The following FAR1 variants were observed in gnomAD, a reference collection of about 807,000 sequenced individuals.
The protein encoded by FAR1 is fatty acyl-CoA reductase 1, also known as male sterility domain-containing protein 2.
Under a neutral mutation model 61.1 loss-of-function variants are expected in FAR1, and 22 were observed. That is an observed-to-expected ratio of 0.36 (90% CI 0.26 to 0.51). The LOEUF (loss-of-function observed/expected upper bound fraction) is 0.51, where lower values mean the gene tolerates loss of function less well. FAR1 is among the 20% of genes least tolerant of loss of function. The pLI is 0.95. For synonymous variants in FAR1, 206 were observed against 209.7 expected (o/e 0.98, Z 0.15); for missense variants, 359 against 626.9 (o/e 0.57, Z 4.56).
intron 1 of FAR1, among the ~76,000 whole-genome samples, chr11:13,672,533 A>G (rs2134164486): frequency 1.4e-5 from 2 of 147,346 alleles, no homozygotes; most frequent in Middle Eastern, 6.8e-3. Flanking sequence ...TGACAAAGTG[A>G]GACCCTGTCT....
At chr11:13,676,904 CTG>C (rs1488940678) in intron 1 of FAR1, among the ~76,000 whole-genome samples, 2 of 152,126 alleles carry the variant, frequency 1.3e-5, no homozygotes, top group African/African-American at 4.8e-5. Flanking sequence ...AAAATACAGA[CTG>C]TGAAAGCCAG....
At chr11:13,723,377 A>G (rs1848634178) in intron 10 of FAR1, 1 of 418,790 alleles carries the variant, frequency 2.4e-6, no homozygotes, top group South Asian at 1.7e-5. Flanking sequence ...AAAAAAAAAA[A>G]AAAAAACCCC....
intron 10 of FAR1, among the ~76,000 whole-genome samples, chr11:13,724,214 A>G (rs1848644397): frequency 6.6e-6 from 1 of 152,056 alleles, no homozygotes; most frequent in South Asian, 2.1e-4. Context: ...AAAATATCTG[A>G]TTAGGTTTTT....
chr11:13,706,075 T>A (rs1848428716), intron 3 of FAR1, among the ~76,000 whole-genome samples: 1 of 149,400 alleles, frequency 6.7e-6, no homozygotes, highest in Non-Finnish European at 1.5e-5. Context: ...TACTGAAAAC[T>A]TTTTTTAAAA....
chr11:13,712,406 C>T (rs893531857), intron 7 of FAR1, among the ~76,000 whole-genome samples: 4 of 151,930 alleles, frequency 2.6e-5, no homozygotes, highest in African/African-American at 9.7e-5. Context: ...AAACATGGTA[C>T]ACCAGAGCAG....
intron 2 of FAR1, among the ~76,000 whole-genome samples, chr11:13,698,842 A>AG (rs1848338047): frequency 2.0e-5 from 3 of 152,226 alleles, no homozygotes; most frequent in African/African-American, 7.2e-5. Context: ...AAAAAAAAAA[A>AG]AAATCTTTAT....
intron 10 of FAR1, among the ~76,000 whole-genome samples, chr11:13,724,715 A>G (rs1848651827): frequency 6.6e-6 from 1 of 152,194 alleles, no homozygotes; most frequent in South Asian, 2.1e-4. Flanking sequence ...TGAACATATC[A>G]AAAACCTAAA....
rs1235449015 is a variant in FAR1, at chr11:13,732,120, T to C, written c.*3346T>C. ...ATTACAGAAATGAGTTAATTGTCTC[T>C]GTGATAAAAAAAAAAAATGAAATAT... On this transcript the variant is annotated 3_prime_UTR_variant, in exon 12 of 12. Transcript: ENST00000354817. 9.1e-6 allele frequency: 1 copy of C among 110,172 alleles called. No individual in the cohort carries two copies. Among genetic ancestry groups the C allele is most frequent in the Non-Finnish European group, 2.0e-5 (1 of 50,234 alleles). The allele number at this position is 110,172 out of a possible 1,614,324, so 6.8% of individuals were successfully genotyped here.
chr11:13,677,587 C>T (rs949219148), intron 1 of FAR1, among the ~76,000 whole-genome samples: 2 of 152,196 alleles, frequency 1.3e-5, no homozygotes, highest in Non-Finnish European at 2.9e-5. Context: ...GATCCCGATT[C>T]TGAGTTCTTT....
chr11:13,669,650 T>A (rs1200128618), intron 1 of FAR1: 1 of 152,170 alleles, frequency 6.6e-6, no homozygotes, highest in Non-Finnish European at 1.5e-5. Flanking sequence ...GGTAGTGTCT[T>A]GGTCAGGTTT....
intron 1 of FAR1, among the ~76,000 whole-genome samples, chr11:13,675,321 C>G (rs542848487): frequency 2.6e-5 from 4 of 152,160 alleles, no homozygotes; most frequent in Admixed American, 6.5e-5. Flanking sequence ...TGGGAACTGA[C>G]ATTATTTTAG....
chr11:13,693,804 T>C (rs1203620923), intron 1 of FAR1, among the ~76,000 whole-genome samples: 2 of 152,188 alleles, frequency 1.3e-5, no homozygotes, highest in African/African-American at 4.8e-5. Flanking sequence ...TCTTTCTTCC[T>C]TTTTGTTTGA....
At chr11:13,728,472 A>C (rs1848688679) in intron 11 of FAR1, 140 bp from the exon 12 acceptor site, 1 of 711,588 alleles carries the variant, frequency 1.4e-6, no homozygotes, top group Non-Finnish European at 2.3e-6. Context: ...TTTTACCTAC[A>C]GTATACTTAA....
In FAR1 at chr11:13,721,981, T is replaced by C. The variant is rs1032147852; in HGVS notation, c.1257+122T>C. 2.1e-5 allele frequency: 16 copies of C among 763,694 alleles called. No homozygotes were observed. The highest frequency in any genetic ancestry group is 1.3e-4 in the African/African-American group (7 of 55,834). 47.3% of individuals were successfully genotyped at this position (763,694 alleles called of 1,614,324 possible). ...AACAAGTAAGCCATTATTTATAGTC[T>C]CTCATAAAGCTTTAGTCATAATTGT... is the stretch of plus-strand genomic sequence containing the variant. On this transcript the variant is annotated intron_variant, in intron 10 of 11. Coordinates refer to ENST00000354817, the MANE Select transcript of FAR1 (RefSeq NM_032228.6). This position sits in a 1 kb window ranked among gnomAD's most constrained non-coding sequence, Gnocchi z 4.2.
intron 1 of FAR1, among the ~76,000 whole-genome samples, chr11:13,670,480 C>T (rs1405833686): frequency 6.6e-6 from 1 of 151,924 alleles, no homozygotes; most frequent in East Asian, 1.9e-4. Flanking sequence ...TTAGTAGAGG[C>T]GGGGTTTCAC....
rs1185132608 is a variant in FAR1 at position 13,714,562 on chromosome 11, C to T, written c.1009C>T (p.Arg337Trp). The change falls in exon 9 of 12, where the codon CGG becomes TGG. Residue 337 changes from arginine to tryptophan, a missense_variant. Arg to Trp is a moderately radical substitution (Grantham distance 101, BLOSUM62 -3). Around this residue, in one of 2 missense-constraint regions of FAR1, gnomAD observed 344 missense variants for 570.3 expected, o/e 0.60. Transcript: ENST00000354817. The part of the protein sequence containing the change: ...KRNPLEQAFR[R>W]PNVNLTSNHL... ...GAATCCTCTCGAACAGGCCTTCAGA[C>T]GGCCCAATGTAAATCTAACCTCCAA... 5.0e-6 allele frequency: 8 copies of T among 1,613,084 alleles called. No homozygotes were observed. Among genetic ancestry groups the T allele is most frequent in the East Asian group, 2.2e-5 (1 of 44,802 alleles).
At chr11:13,711,856 T>C in intron 6 of FAR1, 48 bp downstream of exon 6, 3 of 1,559,330 alleles carry the variant, frequency 1.9e-6, no homozygotes, top group Non-Finnish European at 2.6e-6. Context: ...TTTTTCTGCT[T>C]TTTGTATATC....
At chr11:13,679,726 G>T (rs185514800) in intron 1 of FAR1, among the ~76,000 whole-genome samples, 10 of 152,074 alleles carry the variant, frequency 6.6e-5, no homozygotes, top group Admixed American at 3.9e-4. Context: ...CTTTTTAAAG[G>T]TGTCTTTATG....
Position 13,700,488 on chromosome 11 carries a change from TTAAGG to T in FAR1, c.365+1_365+5del. The T allele has an allele frequency of 6.7e-7, 1 of 1,482,602 alleles. No individual in the cohort carries two copies. The highest frequency in any genetic ancestry group is 9.0e-7 in the Non-Finnish European group (1 of 1,111,216). 91.8% of individuals were successfully genotyped at this position (1,482,602 alleles called of 1,614,324 possible). A position where few individuals can be genotyped will look rare whatever the true frequency, so the allele number is the denominator to read the frequency against. On this transcript the variant is annotated splice_donor_variant and coding_sequence_variant, in exon 3 of 12. Transcript: ENST00000354817. LOFTEE classifies it high-confidence loss of function. ...AGCTACAGTAAGGTTTAATGAAAATTTAAGGTAAGTACAAGTAATTATATAATATT... is the reference window on the plus strand; with the variant it reads ...AGCTACAGTAAGGTTTAATGAAAATTTAAGTACAAGTAATTATATAATATT...
Sources: gnomAD v4.1 joint callset for allele counts (sites outside exome capture counted in the v4.1 genomes callset) on GRCh38, gnomAD v4.1.1 for gene constraint, gnomAD v4.1.1 regional missense constraint, Gnocchi (gnomAD v3.1) non-coding constraint, MANE v1.5 for transcripts, NCBI Gene and HGNC (gene_info 2026-07-23, HGNC 2026-07-21) for gene names.